The following SLC1A7 variants were observed in gnomAD, a reference collection of about 807,000 sequenced individuals.
SLC1A7 encodes excitatory amino acid transporter 5.
A neutral mutation model predicts 47.7 loss-of-function variants in SLC1A7; 40 were observed. The observed-to-expected ratio is 0.84, with a 90% CI of 0.65 to 1.09. The LOEUF (loss-of-function observed/expected upper bound fraction) is 1.09. SLC1A7 is among the 50% of genes least tolerant of loss of function. The pLI is 0.00. For synonymous variants in SLC1A7, 323 were observed against 325.6 expected (o/e 0.99, Z 0.09); for missense variants, 746 against 769.5 (o/e 0.97, Z 0.36).
At chr1:53,096,192 G>T (rs968975158) in intron 5 of SLC1A7, among the ~76,000 whole-genome samples, 4 of 130,656 alleles carry the variant, frequency 3.1e-5, no homozygotes, top group Admixed American at 8.0e-5. Context: ...CATGCCCCAC[G>T]TTGTTACTTT....
Position 53,142,351 on chromosome 1 carries a change from G to A in SLC1A7, c.99C>T (p.Leu33=), listed in dbSNP as rs141248036. Residue 33 remains leucine, a synonymous_variant, in exon 1 of 11, where the codon CTC becomes CTT. Coordinates refer to ENST00000371494, the MANE Select transcript of SLC1A7 (RefSeq NM_006671.6). Reference sequence around the variant, plus strand: ...GGCGCCGGGTCCTCAAGAAGAAGCCGAGGAGGCAGCCCACGATGACAGACA... The same window carrying A: ...GGCGCCGGGTCCTCAAGAAGAAGCCAAGGAGGCAGCCCACGATGACAGACA... ...SVLSVIVGCL[L]GFFLRTRRLS... The A allele has an allele frequency of 3.9e-4, 621 of 1,581,150 alleles. No individual in the cohort carries two copies. The highest frequency in any genetic ancestry group is 4.9e-4 in the Non-Finnish European group (574 of 1,162,882).
rs767569024 is a variant in SLC1A7, at chr1:53,092,597, C to G, written c.988G>C (p.Gly330Arg). 1.5e-5 allele frequency: 25 copies of G among 1,613,998 alleles called. No individual in the cohort carries two copies. Among genetic ancestry groups the G allele is most frequent in the Non-Finnish European group, 2.1e-5 (25 of 1,180,032 alleles). ...GCGATGAGCAGAGCCTGCAGGATGC[C>G]ACGGATGAAGACGATGGGATTCTTC... The part of the protein sequence containing the change: ...TKKNPIVFIR[G>R]ILQALLIALA... Residue 330 changes from glycine (G) to arginine (R), a missense_variant, in exon 7 of 11, where the codon GGC becomes CGC. Gly to Arg is a moderately radical substitution (Grantham distance 125). Coordinates refer to ENST00000371494, the MANE Select transcript of SLC1A7 (RefSeq NM_006671.6).
intron 3 of SLC1A7, among the ~76,000 whole-genome samples, chr1:53,112,865 C>T (rs936875826): frequency 6.6e-6 from 1 of 152,114 alleles, no homozygotes; most frequent in African/African-American, 2.4e-5. Flanking sequence ...GTGAGAGATG[C>T]GAGAGAGAAG....
chr1:53,124,865 G>A (rs918126735), intron 2 of SLC1A7, among the ~76,000 whole-genome samples: 6 of 152,222 alleles, frequency 3.9e-5, no homozygotes, highest in Admixed American at 6.5e-5. Context: ...GAGTGGGTGA[G>A]TAAAACAGGA....
At chr1:53,092,834 C>T in intron 6 of SLC1A7, 47 bp from the exon 7 acceptor site, 1 of 1,263,862 alleles carries the variant, frequency 7.9e-7, no homozygotes, top group East Asian at 2.3e-5. Context: ...CAGGCAGACA[C>T]ACCCCGGCCC....
chr1:53,093,834 T>C (rs369851743), intron 5 of SLC1A7, among the ~76,000 whole-genome samples: 1 of 152,170 alleles, frequency 6.6e-6, no homozygotes, highest in African/African-American at 2.4e-5. Flanking sequence ...GCTGTGCGCT[T>C]AGGCCATGAC....
chr1:53,130,057 C>T (rs3766808), intron 2 of SLC1A7, among the ~76,000 whole-genome samples: 22,463 of 152,170 alleles, frequency 0.15, 2,203 homozygotes, highest in East Asian at 0.3. Flanking sequence ...ATGCCTGTCC[C>T]CCATTGTGTG....
chr1:53,108,772 C>T (rs896373008), intron 3 of SLC1A7: 25 of 662,092 alleles, frequency 3.8e-5, no homozygotes, highest in Non-Finnish European at 8.3e-6. Context: ...CTGCCCACCT[C>T]CCACTTCTGG....
chr1:53,114,964 G>C lies in SLC1A7; in HGVS notation c.225C>G (p.Ser75=). The C allele has an allele frequency of 6.2e-7, 1 of 1,613,656 alleles. No individual in the cohort carries two copies. The highest frequency in any genetic ancestry group is 8.5e-7 in the Non-Finnish European group (1 of 1,179,930). The change falls in exon 3 of 11, where the codon TCC becomes TCG. Residue 75 remains serine (S), a synonymous_variant. Transcript: ENST00000371494. ...ILPLVVSSLM[S]GLASLDAKTS... Reference sequence around the variant, plus strand: ...TCTTGGCATCCAGGGAGGCAAGTCCGGACATCAAGCTGGGAGGGCGAGGGG... The same window carrying C: ...TCTTGGCATCCAGGGAGGCAAGTCCCGACATCAAGCTGGGAGGGCGAGGGG...
intron 5 of SLC1A7, among the ~76,000 whole-genome samples, chr1:53,099,686 C>CATACCACCTTGGTACACTCGCAT: frequency 7.9e-6 from 1 of 126,592 alleles, no homozygotes; most frequent in African/African-American, 2.9e-5. Context: ...TACACTCACA[C>CATACCACCTTGGTACACTCGCAT]TGCCTCGGTA....
At chr1:53,112,451 A>T (rs1274387774) in intron 3 of SLC1A7, among the ~76,000 whole-genome samples, 1 of 152,212 alleles carries the variant, frequency 6.6e-6, no homozygotes, top group Non-Finnish European at 1.5e-5. Context: ...TTTTAAGCTG[A>T]TAAATGTTGG....
intron 7 of SLC1A7, 121 bp from the exon 8 acceptor site, chr1:53,090,927 G>A: frequency 2.6e-6 from 4 of 1,540,246 alleles, no homozygotes; most frequent in Non-Finnish European, 3.5e-6. Flanking sequence ...CCTCTGCAGC[G>A]CTGCTCCGGC....
At chr1:53,118,415 G>A (rs1010940906) in intron 2 of SLC1A7, 1 of 152,152 alleles carries the variant, frequency 6.6e-6, no homozygotes, top group African/African-American at 2.4e-5. Context: ...GTCTTCTTGT[G>A]TGATGGAGAT....
intron 1 of SLC1A7, among the ~76,000 whole-genome samples, chr1:53,137,446 AT>A (rs1480786493): frequency 6.6e-6 from 1 of 152,068 alleles, no homozygotes; most frequent in African/African-American, 2.4e-5. Flanking sequence ...CTATTTCTTG[AT>A]TCATCATTTT....
At chr1:53,091,112 G>A (rs1446924467) in intron 7 of SLC1A7, 1 of 693,346 alleles carries the variant, frequency 1.4e-6, no homozygotes. Flanking sequence ...GGGCCAGGCT[G>A]TCTGGGCTTA....
chr1:53,105,808 A>C (rs920915025), intron 3 of SLC1A7, 34 bp from the exon 4 acceptor site: 1 of 1,600,166 alleles, frequency 6.2e-7, no homozygotes. Flanking sequence ...AAAATTCCAG[A>C]GCCCAGGACA....
intron 2 of SLC1A7, among the ~76,000 whole-genome samples, chr1:53,130,066 T>C: frequency 6.6e-6 from 1 of 152,154 alleles, no homozygotes; most frequent in Admixed American, 6.5e-5. Context: ...CCCCATTGTG[T>C]GGCATGCCAG....
chr1:53,135,826 G>A (rs1410645404), intron 1 of SLC1A7, among the ~76,000 whole-genome samples: 1 of 152,192 alleles, frequency 6.6e-6, no homozygotes, highest in Non-Finnish European at 1.5e-5. Context: ...GGTTGTGGGC[G>A]AGGCAGGCAA....
At chr1:53,136,242 G>T (rs1644992539) in intron 1 of SLC1A7, among the ~76,000 whole-genome samples, 1 of 147,718 alleles carries the variant, frequency 6.8e-6, no homozygotes, top group Non-Finnish European at 1.5e-5. Context: ...AGGCTGGAGT[G>T]CAGTGCAGTG....
Sources: allele counts gnomAD v4.1 joint callset (sites outside exome capture counted in the v4.1 genomes callset), GRCh38; gene constraint gnomAD v4.1.1; transcripts MANE v1.5; gene names NCBI Gene and HGNC (gene_info 2026-07-23, HGNC 2026-07-21).